Variants in ZNF821 observed in about 807,000 individuals in gnomAD.
The protein encoded by ZNF821 is zinc finger protein 821.
Under a neutral mutation model 44.3 loss-of-function variants are expected in ZNF821, and 16 were observed. That is an observed-to-expected ratio of 0.36 (90% CI 0.24 to 0.55). The LOEUF (loss-of-function observed/expected upper bound fraction) is 0.55. ZNF821 is among the 20% of genes least tolerant of loss of function. The pLI, the probability that ZNF821 is intolerant of heterozygous loss-of-function variation, is 0.86. For missense variants in ZNF821, 436 were observed against 547.6 expected, an observed-to-expected ratio of 0.80 and a Z score of 2.03; for synonymous variants, 204 against 197.6, an observed-to-expected ratio of 1.03 and a Z score of -0.27.
chr16:71,871,901 G>A (rs1363296586), intron 3 of ZNF821, among the ~76,000 whole-genome samples: 1 of 150,866 alleles, frequency 6.6e-6, no homozygotes, highest in African/African-American at 2.4e-5. Flanking sequence ...GCGCAATCTC[G>A]GCTCACTGCC....
chr16:71,891,431 C>G (rs1000660385), intron 1 of ZNF821: 1 of 152,164 alleles, frequency 6.6e-6, no homozygotes, highest in Non-Finnish European at 1.5e-5. Flanking sequence ...GATACTGTTT[C>G]GAATAATTGG....
intron 2 of ZNF821, 56 bp downstream of exon 2, chr16:71,883,155 G>A (rs2288029): frequency 0.79 from 362,679 of 456,250 alleles, 145,338 homozygotes; most frequent in East Asian, 0.97. Flanking sequence ...CACAGACTTT[G>A]GCAAGAAAAA....
chr16:71,892,798 C>A (rs890589242), intron 1 of ZNF821, among the ~76,000 whole-genome samples: 6 of 147,414 alleles, frequency 4.1e-5, no homozygotes, highest in African/African-American at 1.3e-4. Context: ...ATGGCATGAT[C>A]TCGGGTCACT....
chr16:71,879,053 T>C (rs2036157234), intron 3 of ZNF821, among the ~76,000 whole-genome samples: 1 of 152,196 alleles, frequency 6.6e-6, no homozygotes, highest in South Asian at 2.1e-4. Context: ...AATTGCTTCA[T>C]AGTACCAAAA....
At chr16:71,894,587 G>A (rs1052862988) in intron 1 of ZNF821, 3 of 433,610 alleles carry the variant, frequency 6.9e-6, no homozygotes, top group Admixed American at 7.8e-5. Flanking sequence ...GTGCTGTGAC[G>A]TGATCACGGT....
intron 3 of ZNF821, among the ~76,000 whole-genome samples, chr16:71,877,283 C>T (rs1200330932): frequency 1.3e-5 from 2 of 152,016 alleles, no homozygotes; most frequent in Non-Finnish European, 1.5e-5. Context: ...TTGTTTGAGA[C>T]GGGGTCTCAC....
chr16:71,863,424 T>G (rs1408802727), intron 6 of ZNF821, among the ~76,000 whole-genome samples: 2 of 104,558 alleles, frequency 1.9e-5, no homozygotes, highest in Non-Finnish European at 3.8e-5. Context: ...TTTTTTTTAA[T>G]ACAGTCTCAC....
At position 71,860,716 on chromosome 16, in the gene ZNF821, A is replaced by G. The variant is rs1431088020; in HGVS notation, c.585-44T>C. ...GGATGGTTAGTGTTTCCTTCTAGCA[A>G]GAGTCGGGACTCCAGCCCTGCCTTA... On this transcript the variant is annotated intron_variant, in intron 7 of 7. Transcript: ENST00000425432. This position sits in a 1 kb window ranked among gnomAD's most constrained non-coding sequence, Gnocchi z 7.3. 1.9e-6 allele frequency: 3 copies of G among 1,582,018 alleles called. No homozygotes were observed. Among genetic ancestry groups the G allele is most frequent in the South Asian group, 2.3e-5 (2 of 87,100 alleles).
chr16:71,893,519 G>A (rs2036904996), intron 1 of ZNF821, among the ~76,000 whole-genome samples: 1 of 151,438 alleles, frequency 6.6e-6, no homozygotes, highest in Non-Finnish European at 1.5e-5. Context: ...GAGTGCAGTG[G>A]CACAATCTCA....
intron 4 of ZNF821, among the ~76,000 whole-genome samples, chr16:71,866,397 G>A (rs2034548301): frequency 6.6e-6 from 1 of 152,114 alleles, no homozygotes; most frequent in Admixed American, 6.5e-5. Context: ...ACTGGATTTG[G>A]GGCCTGGAAA....
At chr16:71,865,121 T>A (rs1233889406) in intron 4 of ZNF821, 73 bp from the exon 5 acceptor site, 7 of 1,575,916 alleles carry the variant, frequency 4.4e-6, no homozygotes, top group Non-Finnish European at 6.1e-6. Flanking sequence ...CACCCTAGAG[T>A]TGGCAGTTAC....
chr16:71,873,361 A>G (rs1224361578), intron 3 of ZNF821, among the ~76,000 whole-genome samples: 1 of 151,400 alleles, frequency 6.6e-6, no homozygotes, highest in African/African-American at 2.4e-5. Flanking sequence ...TAAAATGGGG[A>G]AGGAGGTAGG....
chr16:71,860,607 C>T lies in ZNF821; in HGVS notation c.650G>A (p.Ser217Asn), dbSNP rs1597117978. 3 of 1,614,144 alleles carry T rather than the reference C, an allele frequency of 1.9e-6. No individual in the cohort carries two copies. Among genetic ancestry groups the T allele is most frequent in the Non-Finnish European group, 2.5e-6 (3 of 1,180,028 alleles). The change falls in exon 8 of 8, where the codon AGT becomes AAT. Residue 217 changes from serine (S) to asparagine (N), a missense_variant. Physicochemically the swap from Ser to Asn is conservative, Grantham distance 46. Transcript: ENST00000425432. This position sits in a 1 kb window ranked among gnomAD's most constrained non-coding sequence, Gnocchi z 7.3. ...LPTVHNEGPS[S>N]AEGKDIAFSP... Reference sequence around the variant, plus strand: ...AAAGGCAATATCCTTCCCCTCAGCACTGGAGGGACCCTCATTGTGGACTGT... The same window carrying T: ...AAAGGCAATATCCTTCCCCTCAGCATTGGAGGGACCCTCATTGTGGACTGT...
At chr16:71,888,719 G>T (rs1013284082), upstream of ZNF821, among the ~76,000 whole-genome samples, 1 of 152,072 alleles carries the variant, frequency 6.6e-6, no homozygotes, top group African/African-American at 2.4e-5. Flanking sequence ...TTTATATTTA[G>T]AATCTAGAGT....
At chr16:71,893,666 C>T (rs185719734) in intron 1 of ZNF821, among the ~76,000 whole-genome samples, 82 of 151,300 alleles carry the variant, frequency 5.4e-4, no homozygotes, top group African/African-American at 1.9e-3. Context: ...ACCATGTTGG[C>T]CAGGCTGGTC....
rs549214564 is a variant in ZNF821 at position 71,895,100 on chromosome 16, A to AG, written n.236dup. ...CGAAACCCCCTCGGCCGCTCCACCCAGGGGGAAAGTCCAGCGAAAGGCGGC... is the reference window on the plus strand; with the variant it reads ...CGAAACCCCCTCGGCCGCTCCACCCAGGGGGGAAAGTCCAGCGAAAGGCGGC... On this transcript the variant is annotated non_coding_transcript_exon_variant, in exon 1 of 3. Transcript: ENST00000561700. The AG allele has an allele frequency of 7.3e-5, 27 of 368,764 alleles. No individual in the cohort carries two copies. The South Asian group carries it at 7.6e-4, about 10-fold the overall frequency. The allele number at this position is 368,764 out of a possible 1,614,324, so 22.8% of individuals were successfully genotyped here. A position where few individuals can be genotyped will look rare whatever the true frequency, so the allele number is the denominator to read the frequency against.
chr16:71,867,753 TG>T, intron 4 of ZNF821, 158 bp downstream of exon 4: 1 of 747,764 alleles, frequency 1.3e-6, no homozygotes. Flanking sequence ...GATAAACACA[TG>T]CCCACACACC....
At chr16:71,873,657 ATAT>A (rs1293790051) in intron 3 of ZNF821, among the ~76,000 whole-genome samples, 2 of 151,628 alleles carry the variant, frequency 1.3e-5, no homozygotes, top group East Asian at 3.9e-4. Flanking sequence ...TTTTAAAAAT[ATAT>A]ATATATTTTT....
At chr16:71,877,884 C>T (rs2035994865) in intron 3 of ZNF821, among the ~76,000 whole-genome samples, 1 of 149,226 alleles carries the variant, frequency 6.7e-6, no homozygotes, top group African/African-American at 2.5e-5. Context: ...CACGCCACTG[C>T]ACTCCAGCCT....
Sources: allele counts gnomAD v4.1 joint callset (sites outside exome capture counted in the v4.1 genomes callset), GRCh38; gene constraint gnomAD v4.1.1; non-coding constraint Gnocchi (gnomAD v3.1); transcripts MANE v1.5; gene names NCBI Gene and HGNC (gene_info 2026-07-23, HGNC 2026-07-21).